The following DPH6 variants were observed in gnomAD, a reference collection of about 807,000 sequenced individuals.
DPH6 encodes diphthine--ammonia ligase.
In DPH6, 33 loss-of-function variants were observed where a neutral mutation model predicts 38.2. That is an observed-to-expected ratio of 0.86 (90% CI 0.65 to 1.15). The LOEUF (loss-of-function observed/expected upper bound fraction) is 1.15. Ranked by LOEUF, DPH6 falls within the 50% of genes most tolerant of loss-of-function variation. The pLI is 0.00. For synonymous variants in DPH6, 108 were observed against 103.0 expected (o/e 1.05, Z -0.30); for missense variants, 325 against 320.0 (o/e 1.02, Z -0.12).
chr15:35,234,058 T>C lies in DPH6; in HGVS notation n.201-13476A>G, dbSNP rs1414215415. On this transcript the variant is annotated intron_variant and non_coding_transcript_variant, in intron 3 of 3. Coordinates refer to the DPH6 transcript ENST00000560386. ...ACAGGAGGAACCTGCTATGTTTAGTTCACCATTGTACTTCCAATATTTAGA... is the reference window on the plus strand; with the variant it reads ...ACAGGAGGAACCTGCTATGTTTAGTCCACCATTGTACTTCCAATATTTAGA... Among the ~76,000 whole-genome samples, 3 of 152,236 alleles carry C rather than the reference T, an allele frequency of 2.0e-5. No homozygotes were observed. In the East Asian group the frequency reaches 5.8e-4, roughly 29 times the overall value.
Position 35,313,350 on chromosome 15 carries a change from A to AT in DPH6, n.200+60170dup, listed in dbSNP as rs762689514. Among the ~76,000 whole-genome samples the AT allele has an allele frequency of 2.7e-3, 376 of 140,452 alleles. 1 individual carries two copies. The highest frequency in any genetic ancestry group is 6.7e-3 in the East Asian group (32 of 4,784). 92.1% of individuals were successfully genotyped at this position (140,452 alleles called of 152,430 possible). A position where few individuals can be genotyped will look rare whatever the true frequency, so the allele number is the denominator to read the frequency against. On this transcript the variant is annotated intron_variant and non_coding_transcript_variant, in intron 3 of 3. Coordinates refer to the DPH6 transcript ENST00000560386. ...TTCATGGTTTTATATACATTTCAGG[A>AT]TTTTTTTTTTTCTATTTCTGTGAAG...
chr15:35,314,250 A>G (rs1390275753), intron 3 of DPH6, among the ~76,000 whole-genome samples: 1 of 152,210 alleles, frequency 6.6e-6, no homozygotes, highest in Non-Finnish European at 1.5e-5. Context: ...TTGTGGTTTT[A>G]GCATTGTTGA....
chr15:35,277,560 C>T (rs1276749517), intron 3 of DPH6, among the ~76,000 whole-genome samples: 1 of 152,032 alleles, frequency 6.6e-6, no homozygotes, highest in Non-Finnish European at 1.5e-5. Context: ...GGGTAACAGG[C>T]AGAAGTTGGA....
intron 3 of DPH6, among the ~76,000 whole-genome samples, chr15:35,285,661 T>C (rs917967850): frequency 6.6e-6 from 1 of 152,080 alleles, no homozygotes; most frequent in Non-Finnish European, 1.5e-5. Context: ...CTTTTCAAAT[T>C]AAAATTTTCA....
chr15:35,330,680 G>C (rs1794813333), downstream of DPH6: 1 of 152,142 alleles, frequency 6.6e-6, no homozygotes, highest in African/African-American at 2.4e-5. Context: ...TTGGTTATTT[G>C]CATAAAGCTT....
At chr15:35,283,304 T>G (rs2051915462) in intron 3 of DPH6, among the ~76,000 whole-genome samples, 1 of 151,386 alleles carries the variant, frequency 6.6e-6, no homozygotes, top group Admixed American at 6.6e-5. Flanking sequence ...CTCCTCCTCC[T>G]CTTATTCTTC....
At chr15:35,462,279 G>C (rs983112460) in intron 3 of DPH6, among the ~76,000 whole-genome samples, 5 of 152,128 alleles carry the variant, frequency 3.3e-5, no homozygotes, top group African/African-American at 7.2e-5. Flanking sequence ...TCCACAAACA[G>C]AGTGATCTTT....
the DPH6 span, among the ~76,000 whole-genome samples, chr15:35,177,278 AAACTAATTTAT>A: frequency 6.6e-6 from 1 of 152,078 alleles, no homozygotes; most frequent in African/African-American, 2.4e-5. Context: ...GTTTTAAAAA[AAACTAATTTAT>A]TTGGGCCATG....
chr15:35,451,321 C>A (rs1213846694), intron 4 of DPH6, among the ~76,000 whole-genome samples: 1 of 151,870 alleles, frequency 6.6e-6, no homozygotes, highest in East Asian at 1.9e-4. Flanking sequence ...AGATATTTTC[C>A]ATTATTGGTA....
chr15:35,414,349 G>A (rs1280602803), intron 5 of DPH6, among the ~76,000 whole-genome samples: 2 of 151,590 alleles, frequency 1.3e-5, no homozygotes, highest in African/African-American at 4.8e-5. Flanking sequence ...GTATGATAGT[G>A]GCTCCCATAT....
the DPH6 span, among the ~76,000 whole-genome samples, chr15:35,209,718 T>A: frequency 2.0e-5 from 3 of 152,208 alleles, no homozygotes; most frequent in Non-Finnish European, 2.9e-5. Context: ...ATAAAATTAG[T>A]GATGACTATA....
chr15:35,149,691 C>A, the DPH6 span, among the ~76,000 whole-genome samples: 1 of 152,230 alleles, frequency 6.6e-6, no homozygotes, highest in South Asian at 2.1e-4. Flanking sequence ...CCAATGTACA[C>A]TTTTCTATGA....
intron 3 of DPH6, among the ~76,000 whole-genome samples, chr15:35,338,567 C>T (rs2052394052): frequency 6.6e-6 from 1 of 152,078 alleles, no homozygotes; most frequent in Non-Finnish European, 1.5e-5. Context: ...AATAGGAACA[C>T]TTTTACACTA....
At chr15:35,523,368 C>T (rs2054951714) in intron 3 of DPH6, among the ~76,000 whole-genome samples, 1 of 150,596 alleles carries the variant, frequency 6.6e-6, no homozygotes, top group Admixed American at 6.6e-5. Flanking sequence ...GTGAGGAATT[C>T]CCCATTGAAT....
At chr15:35,390,661 C>T (rs550566997) in intron 6 of DPH6, among the ~76,000 whole-genome samples, 5 of 152,272 alleles carry the variant, frequency 3.3e-5, no homozygotes, top group Admixed American at 6.5e-5. Context: ...GCATTTGTCA[C>T]GTAGTTCTCA....
intron 3 of DPH6, among the ~76,000 whole-genome samples, chr15:35,245,920 C>G (rs950615534): frequency 3.3e-5 from 5 of 152,132 alleles, no homozygotes; most frequent in African/African-American, 1.2e-4. Context: ...CAAGCCTGCA[C>G]GTATACATCC....
intron 3 of DPH6, among the ~76,000 whole-genome samples, chr15:35,500,894 C>A (rs1201715228): frequency 6.6e-6 from 1 of 152,094 alleles, no homozygotes; most frequent in Non-Finnish European, 1.5e-5. Flanking sequence ...GCACCTGCCA[C>A]CACGCCCAGC....
intron 6 of DPH6, among the ~76,000 whole-genome samples, chr15:35,407,155 C>A (rs1201973105): frequency 6.6e-6 from 1 of 151,940 alleles, no homozygotes; most frequent in Non-Finnish European, 1.5e-5. Flanking sequence ...AGATTACATA[C>A]TATATTAATG....
In DPH6 at chr15:35,352,272, T is replaced by C. The variant is rs568340878; in HGVS notation, n.208-21195A>G. 7.9e-5 allele frequency among the ~76,000 whole-genome samples: 12 copies of C among 152,290 alleles called. No homozygotes were observed. The East Asian group carries it at 1.2e-3, about 15-fold the overall frequency. On this transcript the variant is annotated intron_variant and non_coding_transcript_variant, in intron 3 of 3. Coordinates refer to the DPH6 transcript ENST00000558973. ...TCTTGTAAAGCAGTCCTAGTGATAA[T>C]GAACTCCTTCAATTTTTTTTATTAT...
Sources: gnomAD v4.1 joint callset for allele counts (sites outside exome capture counted in the v4.1 genomes callset) on GRCh38, gnomAD v4.1.1 for gene constraint, MANE v1.5 for transcripts, NCBI Gene and HGNC (gene_info 2026-07-23, HGNC 2026-07-21) for gene names.